The following UTP18 variants were observed in gnomAD, a reference collection of about 807,000 sequenced individuals.
UTP18 encodes U3 small nucleolar RNA-associated protein 18 homolog.
UTP18 carries 36 observed loss-of-function variants against 61.1 expected under a neutral mutation model. The observed-to-expected ratio is 0.59, with a 90% CI of 0.45 to 0.78. UTP18 has a LOEUF of 0.78. UTP18 is among the 30% of genes least tolerant of loss of function. The probability of loss-of-function intolerance (pLI) is 0.00; values close to 1 mark genes in which losing one functional copy is unlikely to be tolerated. For missense variants in UTP18, 753 were observed against 693.9 expected (o/e 1.09, Z -0.96); for synonymous variants, 282 against 251.1 (o/e 1.12, Z -1.16).
chr17:51,284,278 A>T (rs1905039038), intron 9 of UTP18, among the ~76,000 whole-genome samples: 1 of 152,204 alleles, frequency 6.6e-6, no homozygotes, highest in South Asian at 2.1e-4. Flanking sequence ...AAGGATATTG[A>T]GGTACTAGAA....
chr17:51,296,986 C>T lies in UTP18; in HGVS notation c.1668C>T (p.Phe556=). The part of the protein sequence containing the change: ...LMYRLHHYSD[F] Reference sequence around the variant, plus strand: ...CCAGGTTGCACCATTACTCAGACTTCTAAAGAGACTATTTGAAGTAAGAAA... The same window carrying T: ...CCAGGTTGCACCATTACTCAGACTTTTAAAGAGACTATTTGAAGTAAGAAA... The change falls in exon 13 of 14, where the codon TTC becomes TTT. Residue 556 remains phenylalanine, a synonymous_variant. Coordinates refer to ENST00000225298, the MANE Select transcript of UTP18 (RefSeq NM_016001.3). 1 of 1,605,532 alleles carries T rather than the reference C, an allele frequency of 6.2e-7. No individual in the cohort carries two copies. Among genetic ancestry groups the T allele is most frequent in the South Asian group, 1.1e-5 (1 of 89,736 alleles).
intron 4 of UTP18, among the ~76,000 whole-genome samples, chr17:51,273,024 T>G (rs1223995163): frequency 6.6e-6 from 1 of 152,244 alleles, no homozygotes; most frequent in Non-Finnish European, 1.5e-5. Context: ...GCCATAATTA[T>G]GAGTTGCTCT....
At chr17:51,296,620 A>T (rs529835125) in intron 12 of UTP18, 21 of 196,264 alleles carry the variant, frequency 1.1e-4, no homozygotes, top group African/African-American at 4.6e-4. Flanking sequence ...CCCAAAGGCC[A>T]TTAGATTTTC....
chr17:51,280,473 T>C lies in UTP18; in HGVS notation c.1198T>C (p.Ser400Pro). 6.2e-7 allele frequency: 1 copy of C among 1,613,826 alleles called. No homozygotes were observed. The highest frequency in any genetic ancestry group is 8.5e-7 in the Non-Finnish European group (1 of 1,179,844). ...TTCAGATAGTAAGAAAGTATACGCC[T>C]CTTCGGGTAAGACAACGACATGAAA... Reference protein sequence around the residue: ...FSSDSKKVYASSGDGEVYVWD... With the variant: ...FSSDSKKVYAPSGDGEVYVWD... Residue 400 changes from serine to proline, a missense_variant, in exon 9 of 14, where the codon TCT (serine) becomes CCT (proline). Ser to Pro is a moderately conservative substitution (Grantham distance 74). Coordinates refer to ENST00000225298, the MANE Select transcript of UTP18 (RefSeq NM_016001.3).
Position 51,277,198 on chromosome 17 carries a change from T to C in UTP18, c.906T>C (p.Cys302=). 1 of 1,614,166 alleles carries C rather than the reference T, an allele frequency of 6.2e-7. No homozygotes were observed. Among genetic ancestry groups the C allele is most frequent in the Non-Finnish European group, 8.5e-7 (1 of 1,180,026 alleles). ...AAAGGTTTCCAATCTTTAAGGCTTG[T>C]TTTAGTGCTAATGGGGAAGAAGTTT... ...YLERFPIFKA[C]FSANGEEVLA... is the part of the protein sequence containing the mutation. Residue 302 remains cysteine (C), a synonymous_variant, in exon 7 of 14, where the codon TGT becomes TGC. Coordinates refer to ENST00000225298, the MANE Select transcript of UTP18 (RefSeq NM_016001.3).
At chr17:51,269,294 CAAAAAAAAAAAAAAAAA>C (rs58681434) in intron 4 of UTP18, among the ~76,000 whole-genome samples, 105 of 66,674 alleles carry the variant, frequency 1.6e-3, no homozygotes, top group African/African-American at 6.5e-3. Context: ...GACTCTGTCT[CAAAAAAAAAAAAAAAAA>C]AAAAAAAAAA....
At chr17:51,277,449 T>C in intron 7 of UTP18, 145 bp downstream of exon 7, 1 of 930,980 alleles carries the variant, frequency 1.1e-6, no homozygotes, top group Non-Finnish European at 1.5e-6. Flanking sequence ...GTCTTTGTGC[T>C]TTTGAGATAA....
rs60624309 is a variant in UTP18 at position 51,295,417 on chromosome 17, T to A, written c.1646+1372T>A. Among the ~76,000 whole-genome samples, 397 of 152,366 alleles carry A rather than the reference T, an allele frequency of 2.6e-3. 1 individual carries two copies. The highest frequency in any genetic ancestry group is 9.1e-3 in the African/African-American group (377 of 41,592). On this transcript the variant is annotated intron_variant, in intron 12 of 13. Transcript: ENST00000225298. ...GGACCCAGTTTCAGCTTTCTACATA[T>A]GGCTAGCCAGTTTTCCCAGCACCAT...
chr17:51,297,122 T>C (rs926227617), intron 13 of UTP18, 119 bp downstream of exon 13: 1 of 821,824 alleles, frequency 1.2e-6, no homozygotes, highest in Admixed American at 2.9e-5. Flanking sequence ...ACTGCATCTT[T>C]ATTTAGAGGG....
At chr17:51,285,699 C>T (rs2144434444) in intron 10 of UTP18, among the ~76,000 whole-genome samples, 1 of 152,126 alleles carries the variant, frequency 6.6e-6, no homozygotes, top group East Asian at 1.9e-4. Flanking sequence ...TACAATTGTT[C>T]TGTTTTATTA....
chr17:51,266,212 G>A lies in UTP18; in HGVS notation c.486G>A (p.Lys162=). Residue 162 remains lysine, a synonymous_variant, in exon 3 of 14, where the codon AAG becomes AAA. Transcript: ENST00000225298. The part of the protein sequence containing the change: ...MVDMMNNRFR[K]DMMKNASESK... ...ACATGATGAACAATCGGTTTCGGAA[G>A]GATATGATGAAAAATGCTAGTGAAA... 6.3e-7 allele frequency: 1 copy of A among 1,599,594 alleles called. No homozygotes were observed.
In UTP18 at chr17:51,280,436, A is replaced by T; in HGVS notation, c.1161A>T (p.Ala387=). ...GSMKINGRVA[A]STFSSDSKKV... ...TGAAAATTAATGGAAGGGTTGCAGC[A>T]TCCACATTCTCTTCAGATAGTAAGA... The change falls in exon 9 of 14, where the codon GCA becomes GCT. Residue 387 remains alanine, a synonymous_variant. Transcript: ENST00000225298. 6.2e-7 allele frequency: 1 copy of T among 1,614,204 alleles called. No homozygotes were observed. The highest frequency in any genetic ancestry group is 8.5e-7 in the Non-Finnish European group (1 of 1,180,036).
intron 4 of UTP18, among the ~76,000 whole-genome samples, chr17:51,269,634 G>A (rs1249590189): frequency 1.3e-5 from 2 of 151,992 alleles, no homozygotes; most frequent in Non-Finnish European, 2.9e-5. Flanking sequence ...CTCATGGTAC[G>A]TAAATGCAGG....
intron 4 of UTP18, among the ~76,000 whole-genome samples, chr17:51,272,821 G>A (rs1413921406): frequency 6.6e-6 from 1 of 152,182 alleles, no homozygotes; most frequent in Admixed American, 6.5e-5. Flanking sequence ...CTCCGCAAGT[G>A]TTTTAAGTTT....
chr17:51,269,095 C>T (rs557925906), intron 4 of UTP18, among the ~76,000 whole-genome samples, 191 bp downstream of exon 4: 2 of 151,688 alleles, frequency 1.3e-5, no homozygotes, highest in African/African-American at 4.8e-5. Context: ...AAGACCAGAC[C>T]GGGTGACATG....
chr17:51,267,509 C>G (rs1247865176), intron 3 of UTP18, among the ~76,000 whole-genome samples: 1 of 146,776 alleles, frequency 6.8e-6, no homozygotes, highest in Non-Finnish European at 1.5e-5. Context: ...CAAAAGAAAA[C>G]TCTCCATTAA....
At chr17:51,267,924 G>A (rs1043061573) in intron 3 of UTP18, among the ~76,000 whole-genome samples, 5 of 151,580 alleles carry the variant, frequency 3.3e-5, no homozygotes, top group African/African-American at 1.2e-4. Context: ...AGTTTGGTGA[G>A]CTAGTCTGTA....
chr17:51,270,974 C>T (rs546347545), intron 4 of UTP18, among the ~76,000 whole-genome samples: 1 of 152,310 alleles, frequency 6.6e-6, no homozygotes, highest in Middle Eastern at 3.4e-3. Context: ...CACTCAGCTT[C>T]ATGATTATCT....
chr17:51,268,244 T>C (rs1385019832), intron 3 of UTP18, among the ~76,000 whole-genome samples: 1 of 152,158 alleles, frequency 6.6e-6, no homozygotes, highest in Non-Finnish European at 1.5e-5. Flanking sequence ...GCCAGGATGG[T>C]CTCAATCTCC....
Sources: allele counts gnomAD v4.1 joint callset (sites outside exome capture counted in the v4.1 genomes callset), GRCh38; gene constraint gnomAD v4.1.1; transcripts MANE v1.5; gene names NCBI Gene and HGNC (gene_info 2026-07-23, HGNC 2026-07-21).